Variants in RUNX1 observed in about 807,000 individuals in gnomAD.
The protein encoded by RUNX1 is runt-related transcription factor 1.
A neutral mutation model predicts 42.8 loss-of-function variants in RUNX1; 19 were observed. That is an observed-to-expected ratio of 0.44 (90% confidence interval 0.31 to 0.65). The LOEUF (loss-of-function observed/expected upper bound fraction) is 0.65. Ranked by LOEUF, RUNX1 falls within the 30% of genes least tolerant of loss-of-function variation. The probability of loss-of-function intolerance (pLI) is 0.07; values close to 1 mark genes in which losing one functional copy is unlikely to be tolerated. For missense variants in RUNX1, 528 were observed against 672.0 expected, an observed-to-expected ratio of 0.79 and a Z score of 2.37; for synonymous variants, 271 against 289.4, an observed-to-expected ratio of 0.94 and a Z score of 0.64.
At position 34,802,391 on chromosome 21, in the gene RUNX1, T is replaced by TA. The variant is rs534990963; in HGVS notation, c.806-2930dup. 4.4e-4 allele frequency among the ~76,000 whole-genome samples: 67 copies of TA among 152,342 alleles called. No homozygotes were observed. The South Asian group carries it at 7.7e-3, about 17-fold the overall frequency. On this transcript the variant is annotated intron_variant, in intron 7 of 8. Transcript: ENST00000675419. Reference sequence around the variant, plus strand: ...ACATGGTCCCTGCCCCACAGGCACTTACAGTCAGTGAAGATCCCAGGATCT... The same window carrying TA: ...ACATGGTCCCTGCCCCACAGGCACTTAACAGTCAGTGAAGATCCCAGGATCT...
intron 2 of RUNX1, among the ~76,000 whole-genome samples, chr21:34,984,871 T>C (rs1003863831): frequency 2.0e-5 from 3 of 152,178 alleles, no homozygotes; most frequent in Non-Finnish European, 2.9e-5. Context: ...GTACTTTCCA[T>C]AGAACTCATT....
chr21:34,897,309 A>G (rs1315343054), intron 2 of RUNX1, among the ~76,000 whole-genome samples: 1 of 152,234 alleles, frequency 6.6e-6, no homozygotes, highest in East Asian at 1.9e-4. Flanking sequence ...GATCTCTGAA[A>G]AAGGGGGTTC....
At chr21:34,863,438 C>A (rs2057605597) in intron 5 of RUNX1, among the ~76,000 whole-genome samples, 1 of 152,164 alleles carries the variant, frequency 6.6e-6, no homozygotes, top group Non-Finnish European at 1.5e-5. Flanking sequence ...ACTCATGACA[C>A]CCCATCTGGT....
At chr21:35,032,420 T>A (rs1419335151) in intron 2 of RUNX1, among the ~76,000 whole-genome samples, 5 of 152,236 alleles carry the variant, frequency 3.3e-5, no homozygotes, top group African/African-American at 9.6e-5. Flanking sequence ...TAAGAAAGTC[T>A]ATTTAAGCTG....
At chr21:34,994,658 G>A (rs973732455) in intron 2 of RUNX1, among the ~76,000 whole-genome samples, 6 of 151,860 alleles carry the variant, frequency 4.0e-5, no homozygotes, top group African/African-American at 1.2e-4. Context: ...CGGGTACTAC[G>A]TACCCGTAAA....
chr21:34,866,461 G>A (rs1285939598), intron 5 of RUNX1, among the ~76,000 whole-genome samples: 1 of 152,106 alleles, frequency 6.6e-6, no homozygotes, highest in Non-Finnish European at 1.5e-5. Context: ...TTTTAATTGC[G>A]GATAACTAAG....
At position 34,916,546 on chromosome 21, in the gene RUNX1, G is replaced by C. The variant is rs576298048; in HGVS notation, c.59-23583C>G. ...GGCAAGTGTTATGGGAGCACAGGAA[G>C]GGGGAGAAATGAGTTCCATCTGAAA... On this transcript the variant is annotated intron_variant, in intron 2 of 8. Transcript: ENST00000675419. Among the ~76,000 whole-genome samples the C allele has an allele frequency of 1.6e-3, 251 of 152,280 alleles. 1 individual carries two copies. The highest frequency in any genetic ancestry group is 3.0e-3 in the Admixed American group (46 of 15,300).
intron 7 of RUNX1, among the ~76,000 whole-genome samples, chr21:34,814,191 A>C (rs1182211759): frequency 6.6e-6 from 1 of 152,202 alleles, no homozygotes. Flanking sequence ...CTCCACCCTG[A>C]AACGATGCCA....
intron 2 of RUNX1, among the ~76,000 whole-genome samples, chr21:34,968,987 C>T (rs2058740826): frequency 6.6e-6 from 1 of 152,056 alleles, no homozygotes; most frequent in East Asian, 1.9e-4. Context: ...TTCTGCCTCC[C>T]CATTTAGAAA....
At chr21:34,930,339 T>C (rs996393890) in intron 2 of RUNX1, among the ~76,000 whole-genome samples, 7 of 149,418 alleles carry the variant, frequency 4.7e-5, no homozygotes, top group African/African-American at 7.4e-5. Flanking sequence ...TTGAATAGTA[T>C]GAACCTAGAC....
At position 35,049,167 on chromosome 21, in the gene RUNX1, C is replaced by G. The variant is rs2059421984; in HGVS notation, c.-60+1G>C. The G allele has an allele frequency of 2.1e-6, 1 of 479,542 alleles. No individual in the cohort carries two copies. Among genetic ancestry groups the G allele is most frequent in the Admixed American group, 3.5e-5 (1 of 28,832 alleles). 29.7% of individuals were successfully genotyped at this position (479,542 alleles called of 1,614,324 possible). Reference sequence around the variant, plus strand: ...CTTGGCTGTGGGTTGGTGATGCTCACCACGCTGCGAAACCCTGTGGTTTGC... The same window carrying G: ...CTTGGCTGTGGGTTGGTGATGCTCAGCACGCTGCGAAACCCTGTGGTTTGC... On this transcript the variant is annotated splice_donor_variant, in intron 1 of 8. Coordinates refer to ENST00000675419, the MANE Select transcript of RUNX1 (RefSeq NM_001754.5). LOFTEE classifies it low-confidence loss of function (5UTR_SPLICE).
At chr21:35,020,658 G>A (rs1013060861) in intron 2 of RUNX1, among the ~76,000 whole-genome samples, 6 of 151,994 alleles carry the variant, frequency 3.9e-5, no homozygotes, top group East Asian at 1.9e-4. Flanking sequence ...CTGCTGCATC[G>A]ACTTCCTCCT....
At chr21:34,998,760 C>G (rs967906389) in intron 2 of RUNX1, among the ~76,000 whole-genome samples, 7 of 152,158 alleles carry the variant, frequency 4.6e-5, no homozygotes, top group Non-Finnish European at 7.3e-5. Flanking sequence ...CCAGGATGGT[C>G]TCAGTCTCCT....
chr21:34,833,900 T>A, intron 7 of RUNX1: 1 of 285,622 alleles, frequency 3.5e-6, no homozygotes, highest in Non-Finnish European at 7.0e-6. Flanking sequence ...ACACCCTTGA[T>A]GTGATGACAT....
intron 7 of RUNX1, among the ~76,000 whole-genome samples, chr21:34,826,944 A>G (rs1002466854): frequency 2.6e-5 from 4 of 152,232 alleles, no homozygotes; most frequent in Admixed American, 2.0e-4. Context: ...CATTGCCAAG[A>G]ACGGTTCTGC....
chr21:34,990,042 C>T (rs1215147354), intron 2 of RUNX1, among the ~76,000 whole-genome samples: 1 of 152,204 alleles, frequency 6.6e-6, no homozygotes, highest in Non-Finnish European at 1.5e-5. Context: ...TCACCTCCCA[C>T]TCTGAGCTTC....
At chr21:35,003,556 C>G (rs980713187) in intron 2 of RUNX1, among the ~76,000 whole-genome samples, 1 of 151,814 alleles carries the variant, frequency 6.6e-6, no homozygotes, top group Non-Finnish European at 1.5e-5. Context: ...TCAACCATGT[C>G]TTATATTAAA....
chr21:34,934,275 T>C (rs368583009), intron 2 of RUNX1, among the ~76,000 whole-genome samples: 378 of 152,300 alleles, frequency 2.5e-3, no homozygotes, highest in African/African-American at 8.6e-3. Flanking sequence ...TTTTAATTTT[T>C]TTTTAATCAT....
intron 2 of RUNX1, among the ~76,000 whole-genome samples, chr21:34,926,319 T>C (rs1056190399): frequency 1.2e-4 from 18 of 150,912 alleles, no homozygotes; most frequent in African/African-American, 3.9e-4. Flanking sequence ...TACAAAAAAA[T>C]ACAAAAATTA....
Sources: gnomAD v4.1 joint callset for allele counts (sites outside exome capture counted in the v4.1 genomes callset) on GRCh38, gnomAD v4.1.1 for gene constraint, MANE v1.5 for transcripts, NCBI Gene and HGNC (gene_info 2026-07-23, HGNC 2026-07-21) for gene names.